CPA3: variants seen among roughly 807,000 people sequenced by gnomAD.
CPA3 encodes the protein mast cell carboxypeptidase A.
Under a neutral mutation model 55.8 loss-of-function variants are expected in CPA3, and 52 were observed. The ratio of observed to expected loss-of-function variants is 0.93; its 90% CI spans 0.75 to 1.17. CPA3 has a LOEUF of 1.17. CPA3 is among the 50% of genes most tolerant of loss of function. CPA3 has a pLI of 0.00. For synonymous variants in CPA3, 179 were observed against 171.2 expected (o/e 1.05, Z -0.36); for missense variants, 547 against 509.1 (o/e 1.07, Z -0.72).
At chr3:148,891,737 CT>C (rs1714676547) in intron 10 of CPA3, among the ~76,000 whole-genome samples, 1 of 152,090 alleles carries the variant, frequency 6.6e-6, no homozygotes, top group African/African-American at 2.4e-5. Flanking sequence ...AAGTAAATCT[CT>C]CAAAATAGAA....
chr3:148,880,505 T>A (rs1228983121), intron 6 of CPA3, among the ~76,000 whole-genome samples: 1 of 152,088 alleles, frequency 6.6e-6, no homozygotes, highest in Non-Finnish European at 1.5e-5. Context: ...CTAATTTTTG[T>A]ATTTTTAGTA....
At chr3:148,873,846 G>A in intron 3 of CPA3, among the ~76,000 whole-genome samples, 1 of 152,176 alleles carries the variant, frequency 6.6e-6, no homozygotes, top group East Asian at 1.9e-4. Flanking sequence ...ATACAGTGCT[G>A]AGAAAAGTGC....
At chr3:148,891,823 C>G (rs747950645) in intron 10 of CPA3, among the ~76,000 whole-genome samples, 2 of 152,162 alleles carry the variant, frequency 1.3e-5, no homozygotes, top group Non-Finnish European at 2.9e-5. Context: ...CAACTAGGAA[C>G]TGGCCAAGTT....
rs775949190 is a variant in CPA3 at position 148,878,451 on chromosome 3, C to T, written c.280C>T (p.His94Tyr). ...QNKMHYEILI[H>Y]DLQEEIEKQF... ...TCCCCTGTCAAACAGAATCTTGATT[C>T]ATGATCTACAAGAAGAGATTGAGAA... is the stretch of plus-strand genomic sequence containing the variant. Residue 94 changes from histidine to tyrosine, a missense_variant, in exon 4 of 11, where the codon CAT becomes TAT. His to Tyr is a moderately conservative substitution (Grantham distance 83, BLOSUM62 2). Coordinates refer to ENST00000296046, the MANE Select transcript of CPA3 (RefSeq NM_001870.4). 21 of 1,606,732 alleles carry T rather than the reference C, an allele frequency of 1.3e-5. No individual in the cohort carries two copies. The highest frequency in any genetic ancestry group is 1.6e-5 in the Non-Finnish European group (19 of 1,173,508).
intron 10 of CPA3, among the ~76,000 whole-genome samples, chr3:148,892,185 C>A (rs1559971868): frequency 6.6e-6 from 1 of 152,096 alleles, no homozygotes; most frequent in Non-Finnish European, 1.5e-5. Flanking sequence ...TATATGGATA[C>A]TTCCTCAGGT....
At position 148,877,062 on chromosome 3, in the gene CPA3, A is replaced by G. The variant is rs528388534; in HGVS notation, c.270-1379A>G. Among the ~76,000 whole-genome samples, 3 of 152,352 alleles carry G rather than the reference A, an allele frequency of 2.0e-5. No individual in the cohort carries two copies. The South Asian group carries it at 6.2e-4, about 32-fold the overall frequency. ...ATTACACATATGGATATCTGAATCC[A>G]AGTGAAAACGTCATGTAGGCAGTTG... On this transcript the variant is annotated intron_variant, in intron 3 of 10. Transcript: ENST00000296046.
At chr3:148,879,449 G>A (rs948174042) in intron 5 of CPA3, among the ~76,000 whole-genome samples, 7 of 152,102 alleles carry the variant, frequency 4.6e-5, no homozygotes, top group African/African-American at 1.7e-4. Context: ...AAAGGAAGTG[G>A]CAGAAACAAA....
intron 9 of CPA3, 115 bp downstream of exon 9, chr3:148,883,930 A>T (rs2108036363): frequency 1.3e-6 from 1 of 770,258 alleles, no homozygotes; most frequent in East Asian, 2.6e-5. Context: ...AAAGAAAAGA[A>T]CTAATGAAAT....
intron 10 of CPA3, among the ~76,000 whole-genome samples, chr3:148,892,711 C>A (rs369170153): frequency 6.6e-6 from 1 of 152,036 alleles, no homozygotes; most frequent in Non-Finnish European, 1.5e-5. Context: ...GGTGTGGTGG[C>A]ACATGCCTGT....
In CPA3 at chr3:148,896,690, C is replaced by A; in HGVS notation, c.1237C>A (p.Leu413Ile). 1 of 1,530,696 alleles carries A rather than the reference C, an allele frequency of 6.5e-7. No individual in the cohort carries two copies. Among genetic ancestry groups the A allele is most frequent in the Non-Finnish European group, 8.9e-7 (1 of 1,119,806 alleles). The allele number at this position is 1,530,696 out of a possible 1,614,324, so 94.8% of individuals were successfully genotyped here. Residue 413 changes from leucine to isoleucine, a missense_variant, in exon 11 of 11, where the codon CTC (leucine) becomes ATC (isoleucine). Physicochemically the swap from Leu to Ile is conservative, Grantham distance 5 (BLOSUM62 2). Transcript: ENST00000296046. ...LAVKFIAKYI[L>I]KHTS ...TGTCAAATTTATTGCCAAGTATATC[C>A]TCAAGCATACTTCCTAAAGAACTGC...
At position 148,882,588 on chromosome 3, in the gene CPA3, A is replaced by G. The variant is rs528603640; in HGVS notation, c.771A>G (p.Ser257=). The G allele has an allele frequency of 1.1e-5, 17 of 1,613,360 alleles. No homozygotes were observed. The East Asian group carries it at 3.3e-4, about 32-fold the overall frequency. Residue 257 remains serine (S), a synonymous_variant, in exon 8 of 11, where the codon TCA becomes TCG. Coordinates refer to ENST00000296046, the MANE Select transcript of CPA3 (RefSeq NM_001870.4). ...GTDLNRNFNA[S]WNSIPNTNDP... ...ACCTCAACAGGAATTTTAATGCTTC[A>G]TGGAACTGTGAGTAGCAGACTTGCT...
intron 6 of CPA3, 111 bp downstream of exon 6, chr3:148,880,000 T>C (rs1714319276): frequency 1.5e-6 from 1 of 681,652 alleles, no homozygotes; most frequent in South Asian, 1.9e-5. Context: ...GAAGAGCCCA[T>C]ACTTGGTGCT....
At position 148,865,492 on chromosome 3, in the gene CPA3, A is replaced by C. The variant is rs200479513; in HGVS notation, c.88A>C (p.Lys30Gln). ...ACAAAGGGAGAAGGTGTTCCGCGTG[A>C]AGCCCCAGGATGAAAAACAAGCAGA... ...RFDREKVFRVKPQDEKQADII... is the reference protein window; with the variant it reads ...RFDREKVFRVQPQDEKQADII... The change falls in exon 2 of 11, where the codon AAG (lysine) becomes CAG (glutamine). Residue 30 changes from lysine (K) to glutamine (Q), a missense_variant. Lys to Gln is a moderately conservative substitution (Grantham distance 53). Transcript: ENST00000296046. The C allele has an allele frequency of 6.2e-6, 10 of 1,613,982 alleles. No individual in the cohort carries two copies. Among genetic ancestry groups the C allele is most frequent in the Non-Finnish European group, 7.6e-6 (9 of 1,179,982 alleles).
chr3:148,878,534 T>C lies in CPA3; in HGVS notation c.363T>C (p.Asn121=), dbSNP rs370991073. Residue 121 remains asparagine, a synonymous_variant, in exon 4 of 11, where the codon AAT becomes AAC. Transcript: ENST00000296046. ...PGRHSYAKYN[N]WEKIVAWTEK... ...GGCACAGCTACGCAAAATACAATAA[T>C]TGGGAAAAGGTACAGTAAAAAATGC... 1.6e-5 allele frequency: 25 copies of C among 1,610,790 alleles called. No homozygotes were observed. Among genetic ancestry groups the C allele is most frequent in the Non-Finnish European group, 2.1e-5 (25 of 1,177,514 alleles).
At chr3:148,882,256 AATC>A (rs1714393438) in intron 7 of CPA3, among the ~76,000 whole-genome samples, 1 of 152,192 alleles carries the variant, frequency 6.6e-6, no homozygotes, top group South Asian at 2.1e-4. Flanking sequence ...ACTGTGAACT[AATC>A]AACAGTGTTT....
chr3:148,896,288 C>T (rs1714824600), intron 10 of CPA3, among the ~76,000 whole-genome samples: 1 of 152,180 alleles, frequency 6.6e-6, no homozygotes, highest in Admixed American at 6.5e-5. Flanking sequence ...CAACTTACTA[C>T]TCACCCAACC....
intron 3 of CPA3, among the ~76,000 whole-genome samples, chr3:148,873,059 C>G (rs1714109066): frequency 6.7e-6 from 1 of 150,224 alleles, no homozygotes; most frequent in Admixed American, 6.6e-5. Flanking sequence ...CACACACACA[C>G]ACTCACACAG....
In CPA3 at chr3:148,878,490, A is replaced by C. The variant is rs891390161; in HGVS notation, c.319A>C (p.Lys107Gln). The change falls in exon 4 of 11, where the codon AAA (lysine) becomes CAA (glutamine). Residue 107 changes from lysine (K) to glutamine (Q), a missense_variant. Physicochemically the swap from Lys to Gln is moderately conservative, Grantham distance 53 (BLOSUM62 1). Coordinates refer to ENST00000296046, the MANE Select transcript of CPA3 (RefSeq NM_001870.4). ...AGAGATTGAGAAACAGTTTGATGTT[A>C]AAGAAGATATCCCAGGCAGGCACAG... Reference protein sequence around the residue: ...QEEIEKQFDVKEDIPGRHSYA... With the variant: ...QEEIEKQFDVQEDIPGRHSYA... 12 of 1,613,678 alleles carry C rather than the reference A, an allele frequency of 7.4e-6. No individual in the cohort carries two copies. Among genetic ancestry groups the C allele is most frequent in the Non-Finnish European group, 1.0e-5 (12 of 1,179,666 alleles).
chr3:148,890,339 T>C (rs1714636724), intron 10 of CPA3, among the ~76,000 whole-genome samples: 2 of 152,174 alleles, frequency 1.3e-5, no homozygotes, highest in Admixed American at 1.3e-4. Flanking sequence ...AAGATTGCAT[T>C]AGTAATAAAA....
Sources: gnomAD v4.1 joint callset for allele counts (sites outside exome capture counted in the v4.1 genomes callset) on GRCh38, gnomAD v4.1.1 for gene constraint, MANE v1.5 for transcripts, NCBI Gene and HGNC (gene_info 2026-07-23, HGNC 2026-07-21) for gene names.